Variants in REL observed in about 807,000 individuals in gnomAD.
The protein encoded by REL is REL proto-oncogene, NF-kB subunit, also known as proto-oncogene c-Rel.
A neutral mutation model predicts 45.9 loss-of-function variants in REL; 15 were observed. The observed-to-expected ratio is 0.33, with a 90% CI of 0.22 to 0.50. The LOEUF is 0.50. Ranked by LOEUF, REL falls within the 20% of genes least tolerant of loss-of-function variation. The pLI, the probability that REL is intolerant of heterozygous loss-of-function variation, is 0.98. For synonymous variants in REL, 239 were observed against 242.1 expected (o/e 0.99, Z 0.12); for missense variants, 601 against 715.2 (o/e 0.84, Z 1.82).
intron 4 of REL, among the ~76,000 whole-genome samples, chr2:60,908,426 T>C (rs1325019795): frequency 6.6e-6 from 1 of 152,210 alleles, no homozygotes; most frequent in East Asian, 1.9e-4. Flanking sequence ...CATAAAGCAG[T>C]CTAATACTGT....
In REL at chr2:60,896,226, C is replaced by G. The variant is rs568022206; in HGVS notation, c.302+1681C>G. On this transcript the variant is annotated intron_variant, in intron 3 of 9. Transcript: ENST00000394479. ...GTTTCACCATGTTGGCTGGGCTGGT[C>G]TCGAATTCCTGACCTCAGGTGATCC... Among the ~76,000 whole-genome samples, 9 of 152,242 alleles carry G rather than the reference C, an allele frequency of 5.9e-5. No individual in the cohort carries two copies. The South Asian group carries it at 1.4e-3, about 25-fold the overall frequency.
chr2:60,919,671 C>T lies in REL; in HGVS notation c.854-370C>T, dbSNP rs1674081757. ...AACTCCTGACCTCAGGTGATTCACCCACCTCAGCCTCCCAAAGTGCTGGGA... is the reference window on the plus strand; with the variant it reads ...AACTCCTGACCTCAGGTGATTCACCTACCTCAGCCTCCCAAAGTGCTGGGA... On this transcript the variant is annotated intron_variant, in intron 7 of 9. Transcript: ENST00000394479. Among the ~76,000 whole-genome samples, 3 of 152,194 alleles carry T rather than the reference C, an allele frequency of 2.0e-5. No individual in the cohort carries two copies. In the South Asian group the frequency reaches 6.2e-4, roughly 32 times the overall value.
At chr2:60,904,380 C>T (rs1003000965) in intron 4 of REL, among the ~76,000 whole-genome samples, 13 of 148,304 alleles carry the variant, frequency 8.8e-5, no homozygotes, top group African/African-American at 1.2e-4. Context: ...CCAGCCTGGG[C>T]GACAGAACGA....
In REL at chr2:60,918,296, GTATT is replaced by G. The variant is rs750505075; in HGVS notation, c.640+11_640+14del. ...CTACTTTGTGACAAAGTTCAGAAAGGTATTTATTTATTTCATTGAATTTAGAATA... is the reference window on the plus strand; with the variant it reads ...CTACTTTGTGACAAAGTTCAGAAAGGTATTTATTTCATTGAATTTAGAATA... On this transcript the variant is annotated splice_donor_variant and splice_donor_5th_base_variant and intron_variant, in intron 6 of 9. Coordinates refer to ENST00000394479, the MANE Select transcript of REL (RefSeq NM_001291746.2). LOFTEE classifies it high-confidence loss of function. The G allele has an allele frequency of 8.2e-6, 13 of 1,576,246 alleles. No homozygotes were observed. Among genetic ancestry groups the G allele is most frequent in the African/African-American group, 8.2e-5 (6 of 73,618 alleles).
intron 3 of REL, 107 bp downstream of exon 3, chr2:60,894,652 T>G (rs1447785946): frequency 1.2e-6 from 1 of 802,934 alleles, no homozygotes; most frequent in Non-Finnish European, 1.8e-6. Flanking sequence ...TTTCTCATTC[T>G]ACTTCTATTT....
Position 60,894,419 on chromosome 2 carries a change from GA to G in REL, c.180del (p.Val61Ter). 1 of 1,568,178 alleles carries G rather than the reference GA, an allele frequency of 6.4e-7. No individual in the cohort carries two copies. Among genetic ancestry groups the G allele is most frequent in the South Asian group, 1.2e-5 (1 of 85,532 alleles). On this transcript the variant is annotated frameshift_variant, in exon 3 of 10. Transcript: ENST00000394479. LOFTEE classifies it high-confidence loss of function. ...SIQIMNYYGKGKVRITLVTKN... is the reference protein window; with the variant it reads ...SIQIMNYYGKXKVRITLVTKN... Reference sequence around the variant, plus strand: ...CAGATTATGAACTATTATGGAAAAGGAAAAGTGAGAATTACATTAGTAACAA... The same window carrying G: ...CAGATTATGAACTATTATGGAAAAGGAAAGTGAGAATTACATTAGTAACAA...
chr2:60,903,503 A>G lies in REL; in HGVS notation c.394+2420A>G, dbSNP rs1573328181. 2.6e-5 allele frequency among the ~76,000 whole-genome samples: 4 copies of G among 151,904 alleles called. No individual in the cohort carries two copies. In the South Asian group the frequency reaches 8.3e-4, roughly 32 times the overall value. The stretch of plus-strand genomic sequence containing the variant: ...ATTCTCCCACCTCAGCCTCCTAAGT[A>G]GCTGGGATTACAGGTGTGCATCACC... On this transcript the variant is annotated intron_variant, in intron 4 of 9. Transcript: ENST00000394479.
At chr2:60,883,525 T>C (rs1268877079) in intron 1 of REL, among the ~76,000 whole-genome samples, 1 of 152,240 alleles carries the variant, frequency 6.6e-6, no homozygotes, top group Non-Finnish European at 1.5e-5. Flanking sequence ...AATGTATTGG[T>C]TATCAGAAAG....
rs1394646733 is a variant in REL at position 60,881,577 on chromosome 2, C to T, written c.-264C>T. 4.2e-6 allele frequency: 2 copies of T among 476,462 alleles called. No homozygotes were observed. Among genetic ancestry groups the T allele is most frequent in the South Asian group, 2.9e-5 (1 of 34,404 alleles). The allele number at this position is 476,462 out of a possible 1,614,324, so 29.5% of individuals were successfully genotyped here. Reference sequence around the variant, plus strand: ...CTCGCCTCTCGGCTGGGCCAGCACTCGGCTCTCCCCGCTCCGCCCCCTGCC... The same window carrying T: ...CTCGCCTCTCGGCTGGGCCAGCACTTGGCTCTCCCCGCTCCGCCCCCTGCC... On this transcript the variant is annotated 5_prime_UTR_variant, in exon 1 of 10. Coordinates refer to ENST00000394479, the MANE Select transcript of REL (RefSeq NM_001291746.2).
chr2:60,910,491 A>C (rs1162608304), intron 4 of REL, among the ~76,000 whole-genome samples: 156 of 151,814 alleles, frequency 1.0e-3, no homozygotes, highest in Admixed American at 4.3e-3. Context: ...ACAAAAAAAA[A>C]AAAAACATAA....
chr2:60,917,713 T>TGG (rs1229622756), intron 5 of REL, among the ~76,000 whole-genome samples: 3 of 147,702 alleles, frequency 2.0e-5, no homozygotes, highest in Non-Finnish European at 4.5e-5. Flanking sequence ...TGTGTGTGTG[T>TGG]GTACGTGTGT....
chr2:60,908,983 A>G (rs966872194), intron 4 of REL, among the ~76,000 whole-genome samples: 6 of 152,224 alleles, frequency 3.9e-5, no homozygotes, highest in African/African-American at 1.4e-4. Context: ...GTTTGAAAAA[A>G]TGGCTCATGT....
In REL at chr2:60,922,358, A is replaced by G; in HGVS notation, c.1587A>G (p.Ala529=). 6.2e-7 allele frequency: 1 copy of G among 1,614,158 alleles called. No homozygotes were observed. Among genetic ancestry groups the G allele is most frequent in the South Asian group, 1.1e-5 (1 of 91,088 alleles). ...NTTVFVSQSD[A]FEGSDFSCAD... ...CTGTTTTTGTTTCACAATCAGATGC[A>G]TTTGAGGGATCTGACTTCAGTTGTG... The change falls in exon 10 of 10, where the codon GCA becomes GCG. Residue 529 remains alanine, a synonymous_variant. Transcript: ENST00000394479.
At chr2:60,888,221 G>A (rs113122000) in intron 1 of REL, among the ~76,000 whole-genome samples, 179 of 152,146 alleles carry the variant, frequency 1.2e-3, no homozygotes, top group African/African-American at 4.1e-3. Flanking sequence ...GAGCCACCAT[G>A]CCCAGCCTCA....
At position 60,922,444 on chromosome 2, in the gene REL, G is replaced by A. The variant is rs371756141; in HGVS notation, c.1673G>A (p.Gly558Asp). 1.6e-5 allele frequency: 26 copies of A among 1,613,914 alleles called. No individual in the cohort carries two copies. Among genetic ancestry groups the A allele is most frequent in the East Asian group, 2.2e-5 (1 of 44,894 alleles). ...PSNSTNPNSH[G>D]FVQDSQYSGI... ...AACAGTACTAATCCAAACAGTCATG[G>A]TTTTGTTCAAGATAGTCAGTATTCA... Residue 558 changes from glycine (G) to aspartate (D), a missense_variant, in exon 10 of 10, where the codon GGT (glycine) becomes GAT (aspartate). Around this residue, in one of 4 missense-constraint regions of REL, gnomAD observed 334 missense variants for 333.1 expected, o/e 1.00. Coordinates refer to ENST00000394479, the MANE Select transcript of REL (RefSeq NM_001291746.2).
chr2:60,919,553 G>A (rs979223045), intron 7 of REL, among the ~76,000 whole-genome samples: 2 of 152,000 alleles, frequency 1.3e-5, no homozygotes, highest in Non-Finnish European at 2.9e-5. Flanking sequence ...AGCCTCCCAG[G>A]TAGCTGGGAC....
chr2:60,919,787 C>T (rs904676089), intron 7 of REL, among the ~76,000 whole-genome samples: 2 of 152,048 alleles, frequency 1.3e-5, no homozygotes, highest in African/African-American at 4.8e-5. Context: ...CCTCAAACTC[C>T]TGCGCTCAAG....
chr2:60,925,172 G>T lies in REL; in HGVS notation c.*2637G>T. ...CTTTACCTAGTTTGTTTTACAACTA[G>T]AACCTGCCCTAAATGTTGAATATCT... On this transcript the variant is annotated 3_prime_UTR_variant, in exon 10 of 10. Coordinates refer to ENST00000394479, the MANE Select transcript of REL (RefSeq NM_001291746.2). The T allele has an allele frequency of 5.0e-6, 1 of 200,380 alleles. No individual in the cohort carries two copies. 12.4% of individuals were successfully genotyped at this position (200,380 alleles called of 1,614,324 possible). A position where few individuals can be genotyped will look rare whatever the true frequency, so the allele number is the denominator to read the frequency against.
intron 1 of REL, among the ~76,000 whole-genome samples, chr2:60,887,609 A>G (rs977089888): frequency 3.3e-5 from 5 of 150,916 alleles, no homozygotes; most frequent in Non-Finnish European, 7.4e-5. Flanking sequence ...ACAGAATACT[A>G]TGGTAGTTTA....
Sources: gnomAD v4.1 joint callset for allele counts (sites outside exome capture counted in the v4.1 genomes callset) on GRCh38, gnomAD v4.1.1 for gene constraint, gnomAD v4.1.1 regional missense constraint, MANE v1.5 for transcripts, NCBI Gene and HGNC (gene_info 2026-07-23, HGNC 2026-07-21) for gene names.